Variants in MICAL3 observed in about 807,000 individuals in gnomAD.
MICAL3 encodes the protein microtubule associated monooxygenase, calponin and LIM domain containing 3.
MICAL3 carries 62 observed loss-of-function variants against 207.4 expected under a neutral mutation model. The observed-to-expected ratio is 0.30, with a 90% CI of 0.24 to 0.37. The LOEUF is 0.37. Ranked by LOEUF, MICAL3 falls within the 10% of genes least tolerant of loss-of-function variation. The pLI, the probability that MICAL3 is intolerant of heterozygous loss-of-function variation, is 1.00. For missense variants in MICAL3, 2,368 were observed against 2,635.6 expected (o/e 0.90, Z 2.22); for synonymous variants, 1,077 against 1,069.3 (o/e 1.01, Z -0.14).
At chr22:17,907,293 AG>A (rs1460326449) in intron 1 of MICAL3, among the ~76,000 whole-genome samples, 1 of 152,212 alleles carries the variant, frequency 6.6e-6, no homozygotes, top group East Asian at 1.9e-4. Flanking sequence ...TTAGCCAGGC[AG>A]GGAAGAGGTG....
chr22:17,885,959 G>A lies in MICAL3; in HGVS notation c.2160C>T (p.Asn720=), dbSNP rs1201294419. The change falls in exon 16 of 32, where the codon AAC becomes AAT. Residue 720 remains asparagine (N), a synonymous_variant. Coordinates refer to ENST00000441493, the MANE Select transcript of MICAL3 (RefSeq NM_015241.3). ...GCTGGGTCGCCATGTACTTCACTTT[G>A]TTCTGGTTCCCAACGGCAACGTCCA... ...RRMDVAVGNQ[N]KVKYMATQLL... is the part of the protein sequence containing the mutation. 3 of 1,614,022 alleles carry A rather than the reference G, an allele frequency of 1.9e-6. No homozygotes were observed. In the Admixed American group the frequency reaches 5.0e-5, roughly 27 times the overall value.
intron 1 of MICAL3, among the ~76,000 whole-genome samples, chr22:17,966,939 T>C (rs1363821579): frequency 6.6e-6 from 1 of 152,134 alleles, no homozygotes; most frequent in Non-Finnish European, 1.5e-5. Flanking sequence ...GAAAGTGAAA[T>C]AGCAGATGGG....
At chr22:17,897,869 G>A (rs1368817412) in intron 7 of MICAL3, among the ~76,000 whole-genome samples, 1 of 152,166 alleles carries the variant, frequency 6.6e-6, no homozygotes, top group Admixed American at 6.5e-5. Flanking sequence ...ACAAAGGACT[G>A]AAAAACTCCT....
intron 1 of MICAL3, among the ~76,000 whole-genome samples, chr22:17,939,358 T>C (rs1473663351): frequency 1.3e-5 from 2 of 152,332 alleles, no homozygotes; most frequent in South Asian, 2.1e-4. Flanking sequence ...GAACAGGGCC[T>C]GAGATTCAGC....
intron 29 of MICAL3, 68 bp from the exon 30 acceptor site, chr22:17,791,369 G>C: frequency 2.2e-6 from 3 of 1,342,284 alleles, no homozygotes; most frequent in Non-Finnish European, 3.2e-6. Flanking sequence ...GGAATCACAC[G>C]GGGCAAATGT....
intron 1 of MICAL3, among the ~76,000 whole-genome samples, chr22:17,931,775 C>T (rs1602241919): frequency 1.3e-5 from 2 of 152,218 alleles, no homozygotes; most frequent in South Asian, 2.1e-4. Context: ...CAGATGTGCA[C>T]GCAGCTTTGC....
chr22:17,790,982 G>A lies in MICAL3; in HGVS notation c.5824+16C>T. The stretch of plus-strand genomic sequence containing the variant: ...GGCACCCACCCTGGCCTCCATGGGT[G>A]CCTTACCCCACTCACCTTCCACTGC... On this transcript the variant is annotated intron_variant, in intron 31 of 31. Transcript: ENST00000441493. 1 of 1,611,874 alleles carries A rather than the reference G, an allele frequency of 6.2e-7. No homozygotes were observed. The highest frequency in any genetic ancestry group is 8.5e-7 in the Non-Finnish European group (1 of 1,179,586).
chr22:17,825,512 G>A (rs992563891), intron 22 of MICAL3, among the ~76,000 whole-genome samples: 7 of 152,154 alleles, frequency 4.6e-5, no homozygotes, highest in Non-Finnish European at 8.8e-5. Context: ...ATCTAGAAGA[G>A]GAGCCAGCCG....
intron 1 of MICAL3, among the ~76,000 whole-genome samples, chr22:17,934,064 T>C (rs145607663): frequency 0.19 from 28,776 of 152,138 alleles, 2,873 homozygotes; most frequent in Middle Eastern, 0.26. Context: ...ACTGGTACCA[T>C]TCCTTCTGAA....
intron 16 of MICAL3, among the ~76,000 whole-genome samples, chr22:17,877,338 G>A (rs1345881314): frequency 1.4e-4 from 16 of 111,122 alleles, no homozygotes; most frequent in African/African-American, 8.5e-4. Context: ...GGTTATGGAG[G>A]TTAGGGAGGT....
chr22:17,936,606 A>C (rs1049378087), intron 1 of MICAL3, among the ~76,000 whole-genome samples: 4 of 151,982 alleles, frequency 2.6e-5, no homozygotes, highest in Non-Finnish European at 5.9e-5. Flanking sequence ...TTCTGAGATA[A>C]CAGAAAGAGT....
rs77151073 is a variant in MICAL3, at chr22:17,871,316, T to C, written c.2428+521A>G. On this transcript the variant is annotated intron_variant, in intron 17 of 31. Transcript: ENST00000441493. ...ACCACAGTAAATCAGATTCAGGCCCTGTGCAATGGTTCGCAATCCACCAGA... is the reference window on the plus strand; with the variant it reads ...ACCACAGTAAATCAGATTCAGGCCCCGTGCAATGGTTCGCAATCCACCAGA... Among the ~76,000 whole-genome samples the C allele has an allele frequency of 2.6e-5, 4 of 152,322 alleles. No individual in the cohort carries two copies. In the East Asian group the frequency reaches 7.7e-4, roughly 29 times the overall value.
chr22:18,016,125 A>G (rs1924041078), intron 1 of MICAL3, among the ~76,000 whole-genome samples: 1 of 152,204 alleles, frequency 6.6e-6, no homozygotes, highest in Admixed American at 6.5e-5. Context: ...AATGTTATCA[A>G]TTTATAATGC....
At chr22:17,962,204 C>T (rs1433596929) in intron 1 of MICAL3, among the ~76,000 whole-genome samples, 1 of 152,166 alleles carries the variant, frequency 6.6e-6, no homozygotes. Flanking sequence ...GCTAAAGATC[C>T]TGGAACTCAA....
chr22:17,809,821 G>A (rs2062024667), intron 28 of MICAL3, among the ~76,000 whole-genome samples: 1 of 152,110 alleles, frequency 6.6e-6, no homozygotes. Context: ...AATTGAATGA[G>A]GTGACTTACA....
intron 1 of MICAL3, among the ~76,000 whole-genome samples, chr22:17,932,436 T>C (rs1007637560): frequency 3.5e-4 from 54 of 152,174 alleles, no homozygotes; most frequent in Non-Finnish European, 6.3e-4. Context: ...CTGAGAGATT[T>C]TGTTACCACC....
At chr22:17,988,325 C>A (rs1358066184) in intron 1 of MICAL3, among the ~76,000 whole-genome samples, 1 of 152,240 alleles carries the variant, frequency 6.6e-6, no homozygotes, top group Non-Finnish European at 1.5e-5. Flanking sequence ...ACATCCACTG[C>A]CAACATCCTG....
rs988908503 is a variant in MICAL3, at chr22:17,793,461, C to T, written c.5651-2160G>A. Among the ~76,000 whole-genome samples, 1 of 152,186 alleles carries T rather than the reference C, an allele frequency of 6.6e-6. No homozygotes were observed. The highest frequency in any genetic ancestry group is 1.5e-5 in the Non-Finnish European group (1 of 68,038). Reference sequence around the variant, plus strand: ...TGGATCTGAGACTTAAAGCCCCAGCCACGAAGGGCCAGCCAATGCTGCAGC... The same window carrying T: ...TGGATCTGAGACTTAAAGCCCCAGCTACGAAGGGCCAGCCAATGCTGCAGC... On this transcript the variant is annotated intron_variant, in intron 29 of 31. Transcript: ENST00000441493. This position sits in a 1 kb window ranked among gnomAD's most constrained non-coding sequence, Gnocchi z 4.1.
intron 1 of MICAL3, among the ~76,000 whole-genome samples, chr22:17,947,118 A>C (rs1404771956): frequency 6.6e-6 from 1 of 152,236 alleles, no homozygotes; most frequent in Non-Finnish European, 1.5e-5. Flanking sequence ...CTAAGATCAG[A>C]GCCGGGCTGC....
Sources: allele counts gnomAD v4.1 joint callset (sites outside exome capture counted in the v4.1 genomes callset), GRCh38; gene constraint gnomAD v4.1.1; non-coding constraint Gnocchi (gnomAD v3.1); transcripts MANE v1.5; gene names NCBI Gene and HGNC (gene_info 2026-07-23, HGNC 2026-07-21).